The following NCK2 variants were observed in gnomAD, a reference collection of about 807,000 sequenced individuals.
NCK2 encodes the protein NCK adaptor protein 2.
In NCK2, 16 loss-of-function variants were observed where a neutral mutation model predicts 33.9. That is an observed-to-expected ratio of 0.47 (90% confidence interval 0.32 to 0.72). The LOEUF is 0.72. Among genes scored for constraint, NCK2 ranks in the 30% least tolerant of loss-of-function variants. NCK2 has a pLI of 0.03. For synonymous variants in NCK2, 273 were observed against 239.9 expected (o/e 1.14, Z -1.27); for missense variants, 418 against 537.3 (o/e 0.78, Z 2.19).
intron 1 of NCK2, among the ~76,000 whole-genome samples, chr2:105,765,135 A>T (rs1167179888): frequency 6.6e-6 from 1 of 152,018 alleles, no homozygotes; most frequent in African/African-American, 2.4e-5. Flanking sequence ...GGGTTATGCC[A>T]GTTTTCAGTA....
intron 1 of NCK2, among the ~76,000 whole-genome samples, chr2:105,769,097 C>T (rs1690041921): frequency 6.6e-6 from 1 of 152,216 alleles, no homozygotes; most frequent in Admixed American, 6.5e-5. Context: ...CACTGGTCAC[C>T]TCATTAGCAT....
At position 105,889,406 on chromosome 2, in the gene NCK2, G is replaced by A. The variant is rs143475451; in HGVS notation, c.949-3576G>A. 9.7e-4 allele frequency among the ~76,000 whole-genome samples: 148 copies of A among 152,232 alleles called. 2 individuals are homozygous for A. The highest frequency in any genetic ancestry group is 5.6e-3 in the South Asian group (27 of 4,808). ...ATTTGTTGGTGGCTCCAGCACTGCC[G>A]ATGTTTGTTCCAGATTTTCTTTCTT... On this transcript the variant is annotated intron_variant, in intron 4 of 4. Transcript: ENST00000233154.
intron 2 of NCK2, among the ~76,000 whole-genome samples, chr2:105,840,473 G>A (rs981921368): frequency 2.0e-5 from 3 of 152,216 alleles, no homozygotes; most frequent in African/African-American, 7.2e-5. Context: ...CTCCCCAACA[G>A]CAAGTAAGCA....
chr2:105,783,131 A>C (rs1690556650), intron 1 of NCK2, among the ~76,000 whole-genome samples: 1 of 152,212 alleles, frequency 6.6e-6, no homozygotes, highest in Non-Finnish European at 1.5e-5. Flanking sequence ...GAGGTGGTTT[A>C]ACTTTCTCTG....
At chr2:105,884,499 A>G (rs1405854167) in intron 4 of NCK2, among the ~76,000 whole-genome samples, 2 of 152,134 alleles carry the variant, frequency 1.3e-5, no homozygotes, top group Non-Finnish European at 2.9e-5. Context: ...TGAGGTTATC[A>G]CATGAGGCCT....
intron 4 of NCK2, among the ~76,000 whole-genome samples, chr2:105,891,869 A>C (rs1436882671): frequency 2.0e-5 from 3 of 152,176 alleles, no homozygotes; most frequent in East Asian, 1.9e-4. Context: ...ATTTTAATTA[A>C]AATAATGACA....
intron 4 of NCK2, among the ~76,000 whole-genome samples, chr2:105,884,373 C>T (rs78336162): frequency 1.4e-4 from 22 of 152,200 alleles, no homozygotes; most frequent in East Asian, 3.8e-4. Context: ...ATAATTCCTT[C>T]GCAGCATGCC....
chr2:105,769,796 GT>G (rs35058827), intron 1 of NCK2, among the ~76,000 whole-genome samples: 71,833 of 152,016 alleles, frequency 0.47, 18,017 homozygotes, highest in African/African-American at 0.64. Flanking sequence ...AGTAAAAGGA[GT>G]TGTAGAAGGT....
At chr2:105,817,871 C>T (rs1208247217) in intron 2 of NCK2, among the ~76,000 whole-genome samples, 5 of 152,078 alleles carry the variant, frequency 3.3e-5, no homozygotes, top group Admixed American at 6.5e-5. Context: ...GACAGTGTGG[C>T]GATTCCTCAG....
intron 3 of NCK2, among the ~76,000 whole-genome samples, chr2:105,861,651 A>G (rs1334006313): frequency 6.6e-6 from 1 of 151,474 alleles, no homozygotes; most frequent in East Asian, 1.9e-4. Flanking sequence ...AGTAGCTGGG[A>G]CTACAGGTGT....
chr2:105,772,112 G>A (rs1055900732), intron 1 of NCK2, among the ~76,000 whole-genome samples: 1 of 150,506 alleles, frequency 6.6e-6, no homozygotes, highest in Non-Finnish European at 1.5e-5. Context: ...GATGGCGGAG[G>A]GGGTAGCGTT....
chr2:105,865,750 C>T (rs1268734422), intron 3 of NCK2, among the ~76,000 whole-genome samples: 2 of 152,032 alleles, frequency 1.3e-5, no homozygotes, highest in Non-Finnish European at 2.9e-5. Flanking sequence ...ACACATGTGC[C>T]GCTGCCGCAT....
chr2:105,798,553 T>C (rs2104441608), intron 1 of NCK2, among the ~76,000 whole-genome samples: 2 of 152,338 alleles, frequency 1.3e-5, no homozygotes, highest in East Asian at 3.9e-4. Flanking sequence ...ATCTGATTCA[T>C]ATAATCAGAT....
intron 1 of NCK2, among the ~76,000 whole-genome samples, chr2:105,797,321 A>G (rs1216989383): frequency 6.6e-6 from 1 of 152,076 alleles, no homozygotes; most frequent in Admixed American, 6.6e-5. Context: ...GAAATAACCA[A>G]TTTGTGCTAT....
chr2:105,849,389 A>C (rs774840387), intron 2 of NCK2, among the ~76,000 whole-genome samples: 1 of 152,052 alleles, frequency 6.6e-6, no homozygotes, highest in African/African-American at 2.4e-5. Context: ...ATGCCATCAG[A>C]AAGAAGGAAA....
At chr2:105,755,247 CTG>C (rs898095006) in intron 1 of NCK2, among the ~76,000 whole-genome samples, 2 of 152,170 alleles carry the variant, frequency 1.3e-5, no homozygotes, top group African/African-American at 4.8e-5. Context: ...CCAGCGGTAA[CTG>C]TGAAGAAATG....
intron 4 of NCK2, among the ~76,000 whole-genome samples, chr2:105,888,312 AG>A (rs1678801010): frequency 6.6e-6 from 1 of 152,216 alleles, no homozygotes; most frequent in Admixed American, 6.5e-5. Flanking sequence ...AGGACATAAC[AG>A]GAAGAAGTGG....
At chr2:105,774,132 C>G (rs1466150264) in intron 1 of NCK2, among the ~76,000 whole-genome samples, 1 of 151,830 alleles carries the variant, frequency 6.6e-6, no homozygotes, top group Non-Finnish European at 1.5e-5. Flanking sequence ...CCTCAGCTTC[C>G]AGAGTAGCTG....
chr2:105,892,389 A>G (rs1049956037), intron 4 of NCK2, among the ~76,000 whole-genome samples: 1 of 152,216 alleles, frequency 6.6e-6, no homozygotes, highest in African/African-American at 2.4e-5. Flanking sequence ...GAAGTGCTGT[A>G]TATTCCATAA....
Sources: gnomAD v4.1 joint callset for allele counts (sites outside exome capture counted in the v4.1 genomes callset) on GRCh38, gnomAD v4.1.1 for gene constraint, MANE v1.5 for transcripts, NCBI Gene and HGNC (gene_info 2026-07-23, HGNC 2026-07-21) for gene names.